PRKAB2: variants seen among roughly 807,000 people sequenced by gnomAD.
The protein encoded by PRKAB2 is 5'-AMP-activated protein kinase subunit beta-2.
A neutral mutation model predicts 29.8 loss-of-function variants in PRKAB2; 18 were observed. The ratio of observed to expected loss-of-function variants is 0.60; its 90% CI spans 0.42 to 0.89. The LOEUF is 0.89. Ranked by LOEUF, PRKAB2 falls within the 40% of genes least tolerant of loss-of-function variation. The probability of loss-of-function intolerance (pLI) is 0.00; values close to 1 mark genes in which losing one functional copy is unlikely to be tolerated. For missense variants in PRKAB2, 270 were observed against 344.3 expected, an observed-to-expected ratio of 0.78 and a Z score of 1.71; for synonymous variants, 136 against 125.9, an observed-to-expected ratio of 1.08 and a Z score of -0.54.
In PRKAB2 at chr1:147,171,767, T is replaced by C. The variant is rs77104735; in HGVS notation, c.156+222A>G. Among the ~76,000 whole-genome samples, 224 of 152,254 alleles carry C rather than the reference T, an allele frequency of 1.5e-3. 2 individuals carry two copies. The East Asian group carries it at 0.024, about 16-fold the overall frequency. ...CATCCTAAAAATGTGGCCAACAGAT[T>C]AGTCAGAACACCAGGAAAGCAAGAA... On this transcript the variant is annotated intron_variant, in intron 2 of 7. Coordinates refer to ENST00000254101, the MANE Select transcript of PRKAB2 (RefSeq NM_005399.5).
chr1:147,161,422 T>C (rs1309817440), intron 7 of PRKAB2, among the ~76,000 whole-genome samples: 4 of 152,096 alleles, frequency 2.6e-5, no homozygotes, highest in African/African-American at 9.7e-5. Flanking sequence ...AATCCTATGC[T>C]ATGAACACAA....
At chr1:147,171,204 A>C (rs1037468641) in intron 2 of PRKAB2, among the ~76,000 whole-genome samples, 3 of 152,208 alleles carry the variant, frequency 2.0e-5, no homozygotes, top group African/African-American at 7.2e-5. Flanking sequence ...TCTCTTCCTG[A>C]AAGTCCTTGG....
intron 5 of PRKAB2, among the ~76,000 whole-genome samples, chr1:147,165,705 A>G (rs1553913584): frequency 6.6e-6 from 1 of 152,208 alleles, no homozygotes; most frequent in African/African-American, 2.4e-5. Flanking sequence ...ATAAAAGTGT[A>G]AAGATATTTT....
At position 147,159,434 on chromosome 1, in the gene PRKAB2, A is replaced by C; in HGVS notation, c.*131T>G. 8.6e-6 allele frequency: 6 copies of C among 700,148 alleles called. No homozygotes were observed. Among genetic ancestry groups the C allele is most frequent in the Non-Finnish European group, 1.5e-5 (6 of 412,010 alleles). The allele number at this position is 700,148 out of a possible 1,614,324, so 43.4% of individuals were successfully genotyped here. On this transcript the variant is annotated 3_prime_UTR_variant, in exon 8 of 8. Coordinates refer to ENST00000254101, the MANE Select transcript of PRKAB2 (RefSeq NM_005399.5). Reference sequence around the variant, plus strand: ...ATCAAATGCAAAAGCAGAGCATCCTACTCAGAGGCTCTGAAACACACATAT... The same window carrying C: ...ATCAAATGCAAAAGCAGAGCATCCTCCTCAGAGGCTCTGAAACACACATAT...
In PRKAB2 at chr1:147,166,866, A is replaced by G. The variant is rs1553913768; in HGVS notation, c.397T>C (p.Trp133Arg). 6.2e-7 allele frequency: 1 copy of G among 1,613,948 alleles called. No homozygotes were observed. The highest frequency in any genetic ancestry group is 1.7e-5 in the Admixed American group (1 of 60,022). ...CTTACCTCTGATGGATCATGAACCC[A>G]CTGTCCATCCACAAAGAACTTGTAT... Reference protein sequence around the residue: ...HQYKFFVDGQWVHDPSEPVVT... With the variant: ...HQYKFFVDGQRVHDPSEPVVT... The change falls in exon 4 of 8, where the codon TGG becomes CGG. Residue 133 changes from tryptophan to arginine, a missense_variant. By Grantham distance (101) the Trp-to-Arg change is moderately radical. This residue lies in a region of PRKAB2 where 228 missense variants were observed against 255.5 expected (regional missense o/e 0.89). Coordinates refer to ENST00000254101, the MANE Select transcript of PRKAB2 (RefSeq NM_005399.5).
At chr1:147,166,757 G>T in intron 4 of PRKAB2, 89 bp downstream of exon 4, 1 of 1,546,940 alleles carries the variant, frequency 6.5e-7, no homozygotes, top group South Asian at 1.1e-5. Flanking sequence ...CTCCAGTGTA[G>T]GGGAGCAGCT....
At chr1:147,171,304 G>T (rs1260736117) in intron 2 of PRKAB2, among the ~76,000 whole-genome samples, 1 of 152,176 alleles carries the variant, frequency 6.6e-6, no homozygotes, top group Non-Finnish European at 1.5e-5. Flanking sequence ...TAAACAAGTC[G>T]TGGAATCATT....
Position 147,155,323 on chromosome 1 carries a change from A to G in PRKAB2, c.*4242T>C, listed in dbSNP as rs587617059. On this transcript the variant is annotated 3_prime_UTR_variant, in exon 8 of 8. Coordinates refer to ENST00000254101, the MANE Select transcript of PRKAB2 (RefSeq NM_005399.5). Reference sequence around the variant, plus strand: ...AAGGTTACAAAAAGCACCATTAAAAAGAGGACTCACATATTTAATTCCCTT... The same window carrying G: ...AAGGTTACAAAAAGCACCATTAAAAGGAGGACTCACATATTTAATTCCCTT... 1.3e-5 allele frequency: 2 copies of G among 152,710 alleles called. No homozygotes were observed. The highest frequency in any genetic ancestry group is 6.5e-5 in the Admixed American group (1 of 15,278). The allele number at this position is 152,710 out of a possible 1,614,324, so 9.5% of individuals were successfully genotyped here.
chr1:147,166,806 C>T (rs373686261), intron 4 of PRKAB2, 40 bp downstream of exon 4: 1 of 1,590,414 alleles, frequency 6.3e-7, no homozygotes. Context: ...TAAAATGAGA[C>T]TGCTAAGTCA....
rs1653614993 is a variant in PRKAB2 at position 147,155,204 on chromosome 1, G to C, written c.*4361C>G. 6.6e-6 allele frequency: 1 copy of C among 152,482 alleles called. No individual in the cohort carries two copies. Among genetic ancestry groups the C allele is most frequent in the African/African-American group, 2.4e-5 (1 of 41,388 alleles). The allele number at this position is 152,482 out of a possible 1,614,324, so 9.4% of individuals were successfully genotyped here. A position where few individuals can be genotyped will look rare whatever the true frequency, so the allele number is the denominator to read the frequency against. On this transcript the variant is annotated 3_prime_UTR_variant, in exon 8 of 8. Transcript: ENST00000254101. Reference sequence around the variant, plus strand: ...TAATTTCCAGGTGTGTCAGAGTCCAGTGACAAATTACGTTTGAAGAACAGC... The same window carrying C: ...TAATTTCCAGGTGTGTCAGAGTCCACTGACAAATTACGTTTGAAGAACAGC...
At chr1:147,168,449 T>A (rs1353377745) in intron 2 of PRKAB2, among the ~76,000 whole-genome samples, 10 of 152,204 alleles carry the variant, frequency 6.6e-5, no homozygotes, top group Non-Finnish European at 1.3e-4. Flanking sequence ...GTATTTCAGC[T>A]AAGAAGTAAA....
In PRKAB2 at chr1:147,162,637, C is replaced by T. The variant is rs1559609197; in HGVS notation, c.539-64G>A. ...AATTAGCAAGAATGCATGGAAAAAGCTATCAATACATGGCAGCTAACATTA... is the reference window on the plus strand; with the variant it reads ...AATTAGCAAGAATGCATGGAAAAAGTTATCAATACATGGCAGCTAACATTA... On this transcript the variant is annotated intron_variant, in intron 5 of 7. Transcript: ENST00000254101. The T allele has an allele frequency of 2.0e-6, 3 of 1,474,118 alleles. No individual in the cohort carries two copies. In the East Asian group the frequency reaches 7.0e-5, roughly 34 times the overall value. The allele number at this position is 1,474,118 out of a possible 1,614,324, so 91.3% of individuals were successfully genotyped here. A position where few individuals can be genotyped will look rare whatever the true frequency, so the allele number is the denominator to read the frequency against.
rs1553913195 is a variant in PRKAB2, at chr1:147,162,483, G to T, written c.629C>A (p.Pro210His). 1 of 1,611,906 alleles carries T rather than the reference G, an allele frequency of 6.2e-7. No homozygotes were observed. Among genetic ancestry groups the T allele is most frequent in the South Asian group, 1.1e-5 (1 of 90,994 alleles). The change falls in exon 6 of 8, where the codon CCT becomes CAT. Residue 210 changes from proline to histidine, a missense_variant. Pro to His is a moderately conservative substitution (Grantham distance 77). Coordinates refer to ENST00000254101, the MANE Select transcript of PRKAB2 (RefSeq NM_005399.5). The stretch of plus-strand genomic sequence containing the variant: ...GTTAAGAATAACTTGAAGTAGATGA[G>T]GAGGAAGGATGGGTGGGGATTTGAA... ...ERFKSPPILPPHLLQVILNKD... is the reference protein window; with the variant it reads ...ERFKSPPILPHHLLQVILNKD...
At chr1:147,170,376 G>A (rs891848645) in intron 2 of PRKAB2, among the ~76,000 whole-genome samples, 3 of 152,154 alleles carry the variant, frequency 2.0e-5, no homozygotes, top group Non-Finnish European at 4.4e-5. Context: ...TGCAGTCACA[G>A]TTCGACAAAT....
rs1487719373 is a variant in PRKAB2, at chr1:147,166,488, A to AC, written c.538+9dup. 4 of 1,611,830 alleles carry AC rather than the reference A, an allele frequency of 2.5e-6. No individual in the cohort carries two copies. Among genetic ancestry groups the AC allele is most frequent in the Non-Finnish European group, 3.4e-6 (4 of 1,179,054 alleles). On this transcript the variant is annotated intron_variant, in intron 5 of 7. Transcript: ENST00000254101. ...GACACAGCAAGAGAGAGTAAATAAT[A>AC]CAAAATTACCTCTACAAGATGTCTC...
At chr1:147,167,051 A>G in intron 3 of PRKAB2, 112 bp from the exon 4 acceptor site, 1 of 862,182 alleles carries the variant, frequency 1.2e-6, no homozygotes. Context: ...TTCCTAAGCC[A>G]TTGTATCCCC....
rs1553912383 is a variant in PRKAB2 at position 147,155,916 on chromosome 1, T to C, written c.*3649A>G. 1 of 152,270 alleles carries C rather than the reference T, an allele frequency of 6.6e-6. No homozygotes were observed. Among genetic ancestry groups the C allele is most frequent in the Admixed American group, 6.5e-5 (1 of 15,282 alleles). 9.4% of individuals were successfully genotyped at this position (152,270 alleles called of 1,614,324 possible). On this transcript the variant is annotated 3_prime_UTR_variant, in exon 8 of 8. Transcript: ENST00000254101. Reference sequence around the variant, plus strand: ...TTTCTTATAATTTAAATTTGGCTTTTTACTCTAAAAGTTTGGGTTCATTGC... The same window carrying C: ...TTTCTTATAATTTAAATTTGGCTTTCTACTCTAAAAGTTTGGGTTCATTGC...
chr1:147,170,057 A>G (rs1654439934), intron 2 of PRKAB2, among the ~76,000 whole-genome samples: 1 of 152,224 alleles, frequency 6.6e-6, no homozygotes, highest in Non-Finnish European at 1.5e-5. Flanking sequence ...GCAACTGACT[A>G]GCAGAAAGAT....
At chr1:147,161,529 C>G (rs1653959677) in intron 7 of PRKAB2, 183 bp downstream of exon 7, 6 of 530,838 alleles carry the variant, frequency 1.1e-5, no homozygotes, top group Admixed American at 3.8e-5. Flanking sequence ...AGCCAGAACA[C>G]AGAGACTGAG....
Sources: gnomAD v4.1 joint callset for allele counts (sites outside exome capture counted in the v4.1 genomes callset) on GRCh38, gnomAD v4.1.1 for gene constraint, gnomAD v4.1.1 regional missense constraint, MANE v1.5 for transcripts, NCBI Gene and HGNC (gene_info 2026-07-23, HGNC 2026-07-21) for gene names.